The following GRIK1 variants were observed in gnomAD, a reference collection of about 807,000 sequenced individuals.
The protein encoded by GRIK1 is glutamate ionotropic receptor kainate type subunit 1.
Under a neutral mutation model 105.7 loss-of-function variants are expected in GRIK1, and 69 were observed. The ratio of observed to expected loss-of-function variants is 0.65; its 90% CI spans 0.54 to 0.80. The LOEUF (loss-of-function observed/expected upper bound fraction) is 0.80. Ranked by LOEUF, GRIK1 falls within the 30% of genes least tolerant of loss-of-function variation. The pLI is 0.00. For missense variants in GRIK1, 1,109 were observed against 1,167.3 expected, an observed-to-expected ratio of 0.95 and a Z score of 0.73; for synonymous variants, 438 against 431.3, an observed-to-expected ratio of 1.02 and a Z score of -0.19.
intron 14 of GRIK1, among the ~76,000 whole-genome samples, chr21:29,567,177 A>G (rs1256705216): frequency 6.6e-6 from 1 of 152,210 alleles, no homozygotes; most frequent in East Asian, 1.9e-4. Context: ...TTCCTTTAAC[A>G]GTATTTTGCT....
intron 7 of GRIK1, among the ~76,000 whole-genome samples, chr21:29,599,790 C>CACAAACAAACAA (rs543964031): frequency 3.0e-4 from 45 of 152,200 alleles, no homozygotes; most frequent in African/African-American, 1.1e-3. Context: ...AAGACTCTGT[C>CACAAACAAACAA]ACAAACAAAC....
chr21:29,783,452 G>A (rs1359364140), intron 1 of GRIK1, among the ~76,000 whole-genome samples: 3 of 151,948 alleles, frequency 2.0e-5, no homozygotes, highest in East Asian at 3.9e-4. Context: ...TGATGTAATC[G>A]ACAGGTTAGT....
At chr21:29,901,231 T>TA (rs1181429358) in intron 1 of GRIK1, among the ~76,000 whole-genome samples, 1 of 151,768 alleles carries the variant, frequency 6.6e-6, no homozygotes, top group African/African-American at 2.4e-5. Flanking sequence ...ACATCACAAT[T>TA]AAAAAACTAG....
Position 29,588,882 on chromosome 21 carries a change from T to C in GRIK1, c.1526A>G (p.Asp509Gly). 6.2e-7 allele frequency: 1 copy of C among 1,609,676 alleles called. No individual in the cohort carries two copies. The highest frequency in any genetic ancestry group is 8.5e-7 in the Non-Finnish European group (1 of 1,175,900). ...VPDGKYGAQN[D>G]KGEWNGMVKE... ...AACCATCCCGTTCCACTCCCCTTTG[T>C]CATTCTGGGCCCCATATTTGCCATC... is the stretch of plus-strand genomic sequence containing the variant. The change falls in exon 11 of 18, where the codon GAC becomes GGC. Residue 509 changes from aspartate (D) to glycine (G), a missense_variant. Coordinates refer to ENST00000327783, the MANE Select transcript of GRIK1 (RefSeq NM_001330994.2).
At chr21:29,935,741 A>C (rs961089590) in intron 1 of GRIK1, among the ~76,000 whole-genome samples, 1 of 152,130 alleles carries the variant, frequency 6.6e-6, no homozygotes, top group African/African-American at 2.4e-5. Flanking sequence ...TACCATATTT[A>C]TTTGGTGGTT....
At chr21:29,904,508 G>C (rs1374662119) in intron 1 of GRIK1, among the ~76,000 whole-genome samples, 2 of 152,136 alleles carry the variant, frequency 1.3e-5, no homozygotes, top group Non-Finnish European at 2.9e-5. Context: ...AATGTTTATG[G>C]AGCAAATGGA....
chr21:29,686,540 T>C lies in GRIK1; in HGVS notation c.544+3188A>G, dbSNP rs1198061997. Among the ~76,000 whole-genome samples, 2 of 152,246 alleles carry C rather than the reference T, an allele frequency of 1.3e-5. 1 individual carries two copies. The highest frequency in any genetic ancestry group is 1.3e-4 in the Admixed American group (2 of 15,288). ...GCTCAGTTGTCTTATCTTTTAAGGCTATAGCAGAGGTGAAATAGGGCCAAA... is the reference window on the plus strand; with the variant it reads ...GCTCAGTTGTCTTATCTTTTAAGGCCATAGCAGAGGTGAAATAGGGCCAAA... On this transcript the variant is annotated intron_variant, in intron 3 of 17. Transcript: ENST00000327783.
intron 1 of GRIK1, among the ~76,000 whole-genome samples, chr21:29,834,138 T>C (rs908487428): frequency 3.3e-5 from 5 of 152,124 alleles, no homozygotes; most frequent in African/African-American, 9.6e-5. Context: ...GGAAATCAGA[T>C]AGTATTATCC....
At chr21:29,540,878 C>T (rs1364181945) in intron 16 of GRIK1, among the ~76,000 whole-genome samples, 3 of 152,038 alleles carry the variant, frequency 2.0e-5, no homozygotes, top group Non-Finnish European at 4.4e-5. Flanking sequence ...TGGTACTTTG[C>T]ATACTGGAAA....
chr21:29,679,199 T>C (rs918511075), intron 3 of GRIK1, among the ~76,000 whole-genome samples: 2 of 152,184 alleles, frequency 1.3e-5, no homozygotes, highest in African/African-American at 4.8e-5. Context: ...TTTCAATCAC[T>C]GCCACTGTTA....
At chr21:29,647,048 G>A (rs947290658) in intron 6 of GRIK1, among the ~76,000 whole-genome samples, 4 of 152,092 alleles carry the variant, frequency 2.6e-5, no homozygotes, top group African/African-American at 9.7e-5. Context: ...GTTTCACCAT[G>A]TTGGCCAGGC....
intron 1 of GRIK1, among the ~76,000 whole-genome samples, chr21:29,870,050 C>G (rs1339615510): frequency 6.6e-6 from 1 of 151,718 alleles, no homozygotes; most frequent in Non-Finnish European, 1.5e-5. Flanking sequence ...CCCTATGTTC[C>G]TCATAATATT....
Position 29,888,184 on chromosome 21 carries a change from C to CTTTCTTTCTTCCTTT in GRIK1, c.118+51198_118+51199insAAAGGAAGAAAGAAA, listed in dbSNP as rs1301166060. Among the ~76,000 whole-genome samples, 6 of 64,834 alleles carry CTTTCTTTCTTCCTTT rather than the reference C, an allele frequency of 9.3e-5. 1 individual carries two copies. Among genetic ancestry groups the CTTTCTTTCTTCCTTT allele is most frequent in the African/African-American group, 5.9e-4 (6 of 10,248 alleles). The allele number at this position is 64,834 out of a possible 152,430, so 42.5% of individuals were successfully genotyped here. ...TTTTTTCTTTCTTTCTTTCTTTCTT[C>CTTTCTTTCTTCCTTT]CTTTCTTTCTTTCTCTCTCTCTCTC... On this transcript the variant is annotated intron_variant, in intron 1 of 17. Coordinates refer to ENST00000327783, the MANE Select transcript of GRIK1 (RefSeq NM_001330994.2).
At chr21:29,590,928 C>T (rs1418018531) in intron 10 of GRIK1, among the ~76,000 whole-genome samples, 184 bp downstream of exon 10, 3 of 152,168 alleles carry the variant, frequency 2.0e-5, no homozygotes, top group Non-Finnish European at 4.4e-5. Flanking sequence ...ATCTTCAGAA[C>T]AACGTTGGAA....
chr21:29,598,723 T>A (rs1183034418), intron 8 of GRIK1, 107 bp downstream of exon 8: 1 of 564,010 alleles, frequency 1.8e-6, no homozygotes, highest in African/African-American at 1.9e-5. Flanking sequence ...TAAAAGAACA[T>A]GCTTAGAGAA....
chr21:29,848,916 G>A (rs890442208), intron 1 of GRIK1, among the ~76,000 whole-genome samples: 1 of 150,936 alleles, frequency 6.6e-6, no homozygotes, highest in African/African-American at 2.4e-5. Context: ...TATTCAAATA[G>A]ATTTTCGGAA....
At chr21:29,622,267 C>A (rs550478683) in intron 7 of GRIK1, among the ~76,000 whole-genome samples, 13 of 152,138 alleles carry the variant, frequency 8.5e-5, no homozygotes, top group Non-Finnish European at 1.0e-4. Context: ...TTTTCTTGCT[C>A]AAAGAATCCT....
At chr21:29,583,064 G>A (rs1474473451) in intron 12 of GRIK1, among the ~76,000 whole-genome samples, 1 of 152,094 alleles carries the variant, frequency 6.6e-6, no homozygotes, top group Non-Finnish European at 1.5e-5. Flanking sequence ...CCTCCTCATT[G>A]AGTCTTAGGG....
intron 7 of GRIK1, among the ~76,000 whole-genome samples, chr21:29,620,191 A>G (rs1013141670): frequency 2.0e-5 from 3 of 152,224 alleles, no homozygotes; most frequent in African/African-American, 7.2e-5. Context: ...TTAAATGTTG[A>G]CAGGGACCCA....
Sources: allele counts gnomAD v4.1 joint callset (sites outside exome capture counted in the v4.1 genomes callset), GRCh38; gene constraint gnomAD v4.1.1; transcripts MANE v1.5; gene names NCBI Gene and HGNC (gene_info 2026-07-23, HGNC 2026-07-21).